MGAT5: variants seen among roughly 807,000 people sequenced by gnomAD.
MGAT5 encodes alpha-1,6-mannosylglycoprotein 6-beta-N-acetylglucosaminyltransferase, also known as alpha-1,6-mannosylglycoprotein 6-beta-N-acetylglucosaminyltransferase A.
In MGAT5, 30 loss-of-function variants were observed where a neutral mutation model predicts 94.3. The ratio of observed to expected loss-of-function variants is 0.32; its 90% CI spans 0.24 to 0.43. The LOEUF (loss-of-function observed/expected upper bound fraction) is 0.43. Ranked by LOEUF, MGAT5 falls within the 20% of genes least tolerant of loss-of-function variation. The probability of loss-of-function intolerance (pLI) is 1.00; values close to 1 mark genes in which losing one functional copy is unlikely to be tolerated. For synonymous variants in MGAT5, 310 were observed against 322.9 expected, an observed-to-expected ratio of 0.96 and a Z score of 0.43; for missense variants, 691 against 905.5, an observed-to-expected ratio of 0.76 and a Z score of 3.04.
chr2:134,174,991 C>A (rs1036202711), intron 1 of MGAT5, among the ~76,000 whole-genome samples: 2 of 152,194 alleles, frequency 1.3e-5, no homozygotes, highest in African/African-American at 4.8e-5. Flanking sequence ...TACCACTGCC[C>A]ATTGACAGAG....
chr2:134,189,842 C>A (rs1689279756), intron 1 of MGAT5, among the ~76,000 whole-genome samples: 1 of 151,914 alleles, frequency 6.6e-6, no homozygotes, highest in African/African-American at 2.4e-5. Context: ...CCTCCTGATC[C>A]ACCCACCTCG....
intron 2 of MGAT5, among the ~76,000 whole-genome samples, chr2:134,290,037 G>A (rs1685249435): frequency 6.6e-6 from 1 of 152,142 alleles, no homozygotes; most frequent in Non-Finnish European, 1.5e-5. Context: ...ATAGAACTTG[G>A]GAGTGGTCCT....
intron 1 of MGAT5, among the ~76,000 whole-genome samples, chr2:134,240,990 T>C (rs928886790): frequency 1.3e-5 from 2 of 152,250 alleles, no homozygotes; most frequent in African/African-American, 4.8e-5. Context: ...TTCTGGATTC[T>C]GAACTAGAGG....
intron 4 of MGAT5, among the ~76,000 whole-genome samples, chr2:134,332,835 T>C (rs1380315322): frequency 1.3e-5 from 2 of 152,038 alleles, no homozygotes; most frequent in Non-Finnish European, 2.9e-5. Flanking sequence ...CATGAAAAAA[T>C]GCTCACCATC....
intron 1 of MGAT5, among the ~76,000 whole-genome samples, chr2:134,212,961 G>C (rs1680278947): frequency 6.6e-6 from 1 of 152,204 alleles, no homozygotes. Context: ...ATGCTGATTT[G>C]CTGAAGTTGA....
At chr2:134,260,702 C>CTTT (rs3838494) in intron 1 of MGAT5, among the ~76,000 whole-genome samples, 1 of 127,070 alleles carries the variant, frequency 7.9e-6, no homozygotes. Context: ...TTTTCTTTTT[C>CTTT]TTTTTTTTTT....
At chr2:134,189,633 C>T (rs1452208378) in intron 1 of MGAT5, among the ~76,000 whole-genome samples, 1 of 29,504 alleles carries the variant, frequency 3.4e-5, no homozygotes, top group Non-Finnish European at 7.9e-5. Flanking sequence ...GACAGAGTCT[C>T]GCTCTGTTGC....
rs111543802 is a variant in MGAT5, at chr2:134,389,710, A to G, written c.1381-13278A>G. On this transcript the variant is annotated intron_variant, in intron 10 of 15. Transcript: ENST00000281923. ...CAGGTTATGGCAAGCTGGTCCCATC[A>G]TAAATTTGGAGTACTTGTATTCTTG... is the stretch of plus-strand genomic sequence containing the variant. 5.2e-3 allele frequency among the ~76,000 whole-genome samples: 789 copies of G among 152,320 alleles called. 8 individuals carry two copies. Among genetic ancestry groups the G allele is most frequent in the African/African-American group, 0.017 (692 of 41,576 alleles).
chr2:134,414,188 T>A (rs1295350482), intron 12 of MGAT5, among the ~76,000 whole-genome samples: 1 of 150,552 alleles, frequency 6.6e-6, no homozygotes, highest in Non-Finnish European at 1.5e-5. Flanking sequence ...TCTGCTAGAA[T>A]AATAAATTTG....
At chr2:134,174,372 T>C (rs1688359368) in intron 1 of MGAT5, among the ~76,000 whole-genome samples, 1 of 152,274 alleles carries the variant, frequency 6.6e-6, no homozygotes, top group Non-Finnish European at 1.5e-5. Context: ...ATTTAGTTAC[T>C]GTGGGTCTGT....
intron 1 of MGAT5, among the ~76,000 whole-genome samples, chr2:134,218,412 G>A (rs1409711858): frequency 6.6e-6 from 1 of 152,198 alleles, no homozygotes. Context: ...TCACTAGTCT[G>A]TGGGTGAGTT....
chr2:134,193,675 TTGTGTGTGTGTGTGTGTGTGTGTGTGTG>T (rs58044792), intron 1 of MGAT5, among the ~76,000 whole-genome samples: 8 of 130,890 alleles, frequency 6.1e-5, no homozygotes, highest in African/African-American at 1.7e-4. Context: ...CCCCAAATCT[TTGTGTGTGTGTGTGTGTGTGTGTGTGTG>T]TGTGTGTGTG....
intron 2 of MGAT5, among the ~76,000 whole-genome samples, chr2:134,281,400 G>T (rs769826894): frequency 6.6e-6 from 1 of 152,218 alleles, no homozygotes; most frequent in Non-Finnish European, 1.5e-5. Flanking sequence ...TTTTGGGAAT[G>T]TTGAGTTCAC....
At chr2:134,190,226 A>G (rs1375006637) in intron 1 of MGAT5, among the ~76,000 whole-genome samples, 1 of 152,140 alleles carries the variant, frequency 6.6e-6, no homozygotes, top group African/African-American at 2.4e-5. Context: ...AAGACTTGCA[A>G]TCTGGTGATG....
At chr2:134,193,584 G>A (rs1679338837) in intron 1 of MGAT5, among the ~76,000 whole-genome samples, 1 of 152,026 alleles carries the variant, frequency 6.6e-6, no homozygotes, top group African/African-American at 2.4e-5. Context: ...GCCCTCTTGG[G>A]AGTCCCAACC....
At chr2:134,354,484 G>A (rs939397450) in intron 9 of MGAT5, among the ~76,000 whole-genome samples, 4 of 152,158 alleles carry the variant, frequency 2.6e-5, no homozygotes, top group African/African-American at 4.8e-5. Context: ...ACGCTGGACC[G>A]GAATGTGTTT....
chr2:134,172,084 G>T (rs1408091219), intron 1 of MGAT5, among the ~76,000 whole-genome samples: 1 of 152,184 alleles, frequency 6.6e-6, no homozygotes, highest in Non-Finnish European at 1.5e-5. Context: ...GGAGCAGAAG[G>T]CTATTTTTTA....
intron 12 of MGAT5, among the ~76,000 whole-genome samples, chr2:134,419,442 T>TTTTGTGTG (rs1684163070): frequency 1.5e-5 from 2 of 134,136 alleles, no homozygotes; most frequent in South Asian, 2.6e-4. Flanking sequence ...GCTTCAGGGT[T>TTTTGTGTG]TGTGTGTGTG....
chr2:134,294,553 T>G (rs1048546200), intron 2 of MGAT5, among the ~76,000 whole-genome samples: 1 of 152,162 alleles, frequency 6.6e-6, no homozygotes, highest in African/African-American at 2.4e-5. Context: ...AGAAGGTAGG[T>G]GTAAAAAATA....
Sources: gnomAD v4.1 joint callset for allele counts (sites outside exome capture counted in the v4.1 genomes callset) on GRCh38, gnomAD v4.1.1 for gene constraint, MANE v1.5 for transcripts, NCBI Gene and HGNC (gene_info 2026-07-23, HGNC 2026-07-21) for gene names.